The following FRAS1 variants were observed in gnomAD, a reference collection of about 807,000 sequenced individuals.
The protein encoded by FRAS1 is Fraser extracellular matrix complex subunit 1.
Under a neutral mutation model 435.2 loss-of-function variants are expected in FRAS1, and 290 were observed. The observed-to-expected ratio is 0.67, with a 90% CI of 0.61 to 0.73. The LOEUF (loss-of-function observed/expected upper bound fraction) is 0.73. FRAS1 is among the 30% of genes least tolerant of loss of function. The pLI is 0.00. For synonymous variants in FRAS1, 1,800 were observed against 1,851.0 expected (o/e 0.97, Z 0.71); for missense variants, 4,860 against 5,001.5 (o/e 0.97, Z 0.85).
At chr4:78,369,814 C>T (rs764095552) in intron 22 of FRAS1, 24 bp from the exon 23 acceptor site, 2 of 1,599,450 alleles carry the variant, frequency 1.3e-6, no homozygotes, top group Admixed American at 3.4e-5. Context: ...ATCATCTGGT[C>T]ATTTTCTTTT....
intron 44 of FRAS1, among the ~76,000 whole-genome samples, chr4:78,448,892 CTTAA>C (rs1718937197): frequency 1.3e-5 from 2 of 152,264 alleles, no homozygotes; most frequent in Non-Finnish European, 2.9e-5. Flanking sequence ...TAGGAAGTTA[CTTAA>C]TTAAGAAGTG....
chr4:78,278,672 C>T lies in FRAS1; in HGVS notation c.999C>T (p.His333=), dbSNP rs1727177443. ...TTCTACAGGATGAAGAATTAATTCACTTAGATGGAAAGTGTTGTCCTGAAT... is the reference window on the plus strand; with the variant it reads ...TTCTACAGGATGAAGAATTAATTCATTTAGATGGAAAGTGTTGTCCTGAAT... ...VECARDEELI[H]LDGKCCPECI... is the part of the protein sequence containing the mutation. Residue 333 remains histidine (H), a synonymous_variant, in exon 10 of 74, where the codon CAC becomes CAT. Transcript: ENST00000512123. The T allele has an allele frequency of 1.3e-6, 2 of 1,598,364 alleles. No homozygotes were observed. Among genetic ancestry groups the T allele is most frequent in the Non-Finnish European group, 1.7e-6 (2 of 1,165,918 alleles).
intron 20 of FRAS1, among the ~76,000 whole-genome samples, chr4:78,362,175 A>T (rs1262986311): frequency 6.6e-6 from 1 of 152,208 alleles, no homozygotes; most frequent in Admixed American, 6.5e-5. Flanking sequence ...TTCAACTCAC[A>T]ACTCTTCTTC....
In FRAS1 at chr4:78,481,878, C is replaced by G; in HGVS notation, c.8518C>G (p.Pro2840Ala). ...TFASVWCATR[P>A]SDPASATPGV... ...CGCATCTGTCTGGTGTGCAACGCGG[C>G]CCTCAGACCCAGCTTCTGCCACACC... Residue 2840 changes from proline to alanine, a missense_variant, in exon 57 of 74, where the codon CCC becomes GCC. Physicochemically the swap from Pro to Ala is conservative, Grantham distance 27. Transcript: ENST00000512123. 6.2e-7 allele frequency: 1 copy of G among 1,613,872 alleles called. No individual in the cohort carries two copies. Among genetic ancestry groups the G allele is most frequent in the Non-Finnish European group, 8.5e-7 (1 of 1,179,828 alleles).
At position 78,489,062 on chromosome 4, in the gene FRAS1, A is replaced by T. The variant is rs375788413; in HGVS notation, c.8940A>T (p.Thr2980=). 1 of 1,612,998 alleles carries T rather than the reference A, an allele frequency of 6.2e-7. No individual in the cohort carries two copies. The highest frequency in any genetic ancestry group is 2.2e-5 in the East Asian group (1 of 44,860). ...AAAATGCAGACTCTTCACGGATTAC[A>T]TTTCTCAAAGGGGACAAAGTAAGTG... The part of the protein sequence containing the change: ...ERQNADSSRI[T]FLKGDKVKNC... Residue 2980 remains threonine (T), a synonymous_variant, in exon 59 of 74, where the codon ACA becomes ACT. Coordinates refer to ENST00000512123, the MANE Select transcript of FRAS1 (RefSeq NM_025074.7).
At chr4:78,409,118 C>CAA (rs35627834) in intron 31 of FRAS1, among the ~76,000 whole-genome samples, 35,001 of 94,004 alleles carry the variant, frequency 0.37, 6,179 homozygotes, top group Non-Finnish European at 0.46. Flanking sequence ...GACCCTCTCT[C>CAA]AAAAAAAAAA....
intron 47 of FRAS1, among the ~76,000 whole-genome samples, chr4:78,458,442 A>T (rs1343138365): frequency 1.3e-5 from 2 of 152,244 alleles, no homozygotes; most frequent in Non-Finnish European, 2.9e-5. Flanking sequence ...CTTATTAAAA[A>T]TATTGCAGAA....
intron 9 of FRAS1, among the ~76,000 whole-genome samples, chr4:78,275,516 A>G (rs1726964049): frequency 6.6e-6 from 1 of 152,290 alleles, no homozygotes; most frequent in Middle Eastern, 3.4e-3. Context: ...CCTGGTGGTG[A>G]CAAAATCTCT....
chr4:78,275,453 C>T (rs13118372), intron 9 of FRAS1, among the ~76,000 whole-genome samples: 47,916 of 151,906 alleles, frequency 0.32, 7,731 homozygotes, highest in Admixed American at 0.38. Flanking sequence ...TGGCTGGCAC[C>T]GGTTGTTCCT....
chr4:78,410,231 A>G (rs545380472), intron 31 of FRAS1, among the ~76,000 whole-genome samples: 102 of 152,332 alleles, frequency 6.7e-4, no homozygotes, highest in African/African-American at 2.2e-3. Flanking sequence ...TAGCTGCTCA[A>G]AATAATATTT....
intron 14 of FRAS1, among the ~76,000 whole-genome samples, chr4:78,299,555 G>A (rs2110204976): frequency 6.6e-6 from 1 of 152,344 alleles, no homozygotes; most frequent in East Asian, 1.9e-4. Flanking sequence ...AGTCACTGAA[G>A]AAAGCTAGGG....
At chr4:78,308,012 A>T in intron 14 of FRAS1, 54 bp from the exon 15 acceptor site, 1 of 1,520,424 alleles carries the variant, frequency 6.6e-7, no homozygotes, top group African/African-American at 1.4e-5. Context: ...AAGAAAAATG[A>T]TGACCAGTCC....
chr4:78,317,321 T>G, intron 16 of FRAS1, 47 bp from the exon 17 acceptor site: 1 of 1,610,566 alleles, frequency 6.2e-7, no homozygotes, highest in African/African-American at 1.3e-5. Context: ...GTGGGCACTT[T>G]ATTCACCCAT....
At chr4:78,190,524 G>A (rs757988493) in intron 2 of FRAS1, among the ~76,000 whole-genome samples, 1 of 151,186 alleles carries the variant, frequency 6.6e-6, no homozygotes, top group Non-Finnish European at 1.5e-5. Flanking sequence ...TGAAGGCAAA[G>A]TCTTCCCACC....
chr4:78,199,698 C>T (rs548367303), intron 2 of FRAS1, among the ~76,000 whole-genome samples: 1 of 152,302 alleles, frequency 6.6e-6, no homozygotes, highest in East Asian at 1.9e-4. Context: ...GTCCAGACTT[C>T]CACCTCCTAA....
At chr4:78,119,010 A>T (rs1718854647) in intron 2 of FRAS1, among the ~76,000 whole-genome samples, 1 of 151,246 alleles carries the variant, frequency 6.6e-6, no homozygotes, top group South Asian at 2.1e-4. Flanking sequence ...TTTATAGAAT[A>T]TGTGAGTTGC....
chr4:78,441,280 T>C lies in FRAS1; in HGVS notation c.5648T>C (p.Ile1883Thr). Residue 1883 changes from isoleucine to threonine, a missense_variant, in exon 41 of 74, where the codon ATT becomes ACT. By Grantham distance (89) the Ile-to-Thr change is moderately conservative. Transcript: ENST00000512123. ...KLSALPKYGC[I>T]ENTGTGDRFG... The stretch of plus-strand genomic sequence containing the variant: ...AGTGCTCTGCCCAAATATGGCTGCA[T>C]TGAGAACACAGGAACAGGTACTACT... 2.5e-6 allele frequency: 4 copies of C among 1,612,630 alleles called. No individual in the cohort carries two copies. Among genetic ancestry groups the C allele is most frequent in the Non-Finnish European group, 3.4e-6 (4 of 1,179,308 alleles).
chr4:78,330,163 C>G (rs1729887512), intron 18 of FRAS1, among the ~76,000 whole-genome samples: 1 of 152,276 alleles, frequency 6.6e-6, no homozygotes, highest in East Asian at 1.9e-4. Context: ...CAAATTAATA[C>G]TTTTGTAATT....
chr4:78,521,701 G>T (rs539656750), intron 68 of FRAS1, 71 bp downstream of exon 68: 1 of 937,702 alleles, frequency 1.1e-6, no homozygotes, highest in African/African-American at 1.7e-5. Flanking sequence ...AAAGTTGAAA[G>T]AATAGAACAG....
Sources: gnomAD v4.1 joint callset for allele counts (sites outside exome capture counted in the v4.1 genomes callset) on GRCh38, gnomAD v4.1.1 for gene constraint, MANE v1.5 for transcripts, NCBI Gene and HGNC (gene_info 2026-07-23, HGNC 2026-07-21) for gene names.